The following GABRA5 variants were observed in gnomAD, a reference collection of about 807,000 sequenced individuals.
GABRA5 encodes the protein gamma-aminobutyric acid type A receptor subunit alpha5.
In GABRA5, 18 loss-of-function variants were observed where a neutral mutation model predicts 47.3. That is an observed-to-expected ratio of 0.38 (90% CI 0.26 to 0.56). The LOEUF (loss-of-function observed/expected upper bound fraction) is 0.56, where lower values mean the gene tolerates loss of function less well. Ranked by LOEUF, GABRA5 falls within the 20% of genes least tolerant of loss-of-function variation. The probability of loss-of-function intolerance (pLI) is 0.71; values close to 1 mark genes in which losing one functional copy is unlikely to be tolerated. For synonymous variants in GABRA5, 237 were observed against 229.3 expected, an observed-to-expected ratio of 1.03 and a Z score of -0.30; for missense variants, 365 against 599.3, an observed-to-expected ratio of 0.61 and a Z score of 4.08.
intron 7 of GABRA5, among the ~76,000 whole-genome samples, chr15:26,916,219 T>C (rs1893714218): frequency 6.6e-6 from 1 of 152,204 alleles, no homozygotes; most frequent in Non-Finnish European, 1.5e-5. Context: ...AATTAGAATG[T>C]TTAAAAATAT....
chr15:26,889,756 G>A (rs1216208806), intron 6 of GABRA5, among the ~76,000 whole-genome samples: 1 of 152,128 alleles, frequency 6.6e-6, no homozygotes, highest in Admixed American at 6.5e-5. Flanking sequence ...ATCAAAATAT[G>A]ATTTAAAAAT....
At chr15:26,928,338 C>T (rs1486412457) in intron 7 of GABRA5, among the ~76,000 whole-genome samples, 2 of 152,128 alleles carry the variant, frequency 1.3e-5, no homozygotes, top group African/African-American at 4.8e-5. Flanking sequence ...CTGAGTGCCT[C>T]GTGTGAACAT....
At chr15:26,934,265 AAAG>A (rs1894182088) in intron 7 of GABRA5, among the ~76,000 whole-genome samples, 1 of 151,168 alleles carries the variant, frequency 6.6e-6, no homozygotes, top group Non-Finnish European at 1.5e-5. Context: ...AAAAAAAAAA[AAAG>A]AAAGAAAGAA....
chr15:26,891,969 G>T (rs1354127798), intron 6 of GABRA5, among the ~76,000 whole-genome samples: 1 of 152,210 alleles, frequency 6.6e-6, no homozygotes, highest in Non-Finnish European at 1.5e-5. Flanking sequence ...CCCCAGAAAC[G>T]TTGGCCAAGC....
chr15:26,927,742 G>T (rs1186545346), intron 7 of GABRA5, among the ~76,000 whole-genome samples: 1 of 152,206 alleles, frequency 6.6e-6, no homozygotes, highest in Non-Finnish European at 1.5e-5. Flanking sequence ...AGCATGCAGA[G>T]GCTAAATGTG....
rs34689301 is a variant in GABRA5, at chr15:26,905,281, G to GTT, written c.498-9513_498-9512dup. On this transcript the variant is annotated intron_variant, in intron 6 of 10. Coordinates refer to ENST00000335625, the MANE Select transcript of GABRA5 (RefSeq NM_000810.4). ...TGGAAATAGAATTCTTGGTTGACAA[G>GTT]TTTTTTTTTTCTTTCAGCACATTTA... 1.4e-3 allele frequency among the ~76,000 whole-genome samples: 207 copies of GTT among 150,060 alleles called. 1 individual carries two copies. Among genetic ancestry groups the GTT allele is most frequent in the Admixed American group, 2.5e-3 (37 of 15,102 alleles).
At chr15:26,876,918 C>A (rs1021529478) in intron 3 of GABRA5, among the ~76,000 whole-genome samples, 2 of 152,068 alleles carry the variant, frequency 1.3e-5, no homozygotes, top group Non-Finnish European at 2.9e-5. Flanking sequence ...AGGGCTGAGT[C>A]TAGGAAGGAG....
chr15:26,912,552 A>G (rs1241989959), intron 6 of GABRA5, among the ~76,000 whole-genome samples: 1 of 152,236 alleles, frequency 6.6e-6, no homozygotes, highest in Non-Finnish European at 1.5e-5. Flanking sequence ...GAAGAGGTCA[A>G]TTGCAGGTTA....
chr15:26,926,554 T>C (rs1893966767), intron 7 of GABRA5, among the ~76,000 whole-genome samples: 1 of 152,102 alleles, frequency 6.6e-6, no homozygotes, highest in Non-Finnish European at 1.5e-5. Flanking sequence ...CATGGGGTGG[T>C]TGGGGACATC....
chr15:26,910,410 G>C (rs1396055868), intron 6 of GABRA5, among the ~76,000 whole-genome samples: 1 of 152,108 alleles, frequency 6.6e-6, no homozygotes, highest in Non-Finnish European at 1.5e-5. Context: ...GACCAGCCTA[G>C]TCAACATGGT....
intron 7 of GABRA5, among the ~76,000 whole-genome samples, chr15:26,931,941 T>A (rs796338627): frequency 1.8e-4 from 27 of 152,264 alleles, no homozygotes; most frequent in African/African-American, 6.3e-4. Flanking sequence ...AGTGGACTCC[T>A]CCCTTACACC....
chr15:26,869,417 T>A (rs932957011), intron 3 of GABRA5, 83 bp downstream of exon 3: 1 of 847,230 alleles, frequency 1.2e-6, no homozygotes, highest in Non-Finnish European at 2.1e-6. Flanking sequence ...GCACATCCAT[T>A]GAGCAAGTCC....
At chr15:26,938,433 T>C (rs999293529) in intron 8 of GABRA5, among the ~76,000 whole-genome samples, 1 of 152,194 alleles carries the variant, frequency 6.6e-6, no homozygotes, top group Non-Finnish European at 1.5e-5. Context: ...ATAACTGGGA[T>C]TTCTACTCCT....
chr15:26,882,753 G>C (rs9672405), intron 4 of GABRA5, among the ~76,000 whole-genome samples: 14,627 of 152,072 alleles, frequency 0.096, 1,254 homozygotes, highest in African/African-American at 0.24. Context: ...CCCTCATCCT[G>C]AATTGTCTGA....
chr15:26,893,203 T>TAGCA (rs1893060957), intron 6 of GABRA5, among the ~76,000 whole-genome samples: 1 of 138,762 alleles, frequency 7.2e-6, no homozygotes, highest in Non-Finnish European at 1.6e-5. Flanking sequence ...GTATAGTGTG[T>TAGCA]TGGGTGTGTA....
chr15:26,945,191 T>A (rs1420805458), intron 10 of GABRA5, among the ~76,000 whole-genome samples: 1 of 152,222 alleles, frequency 6.6e-6, no homozygotes, highest in East Asian at 1.9e-4. Context: ...CCACCCCTGC[T>A]GCCAGGAAGG....
intron 7 of GABRA5, among the ~76,000 whole-genome samples, chr15:26,923,856 G>T (rs1893895284): frequency 6.6e-6 from 1 of 151,466 alleles, no homozygotes; most frequent in South Asian, 2.1e-4. Context: ...ATCTTATTTT[G>T]TTCCTCTAAG....
chr15:26,939,987 C>G lies in GABRA5; in HGVS notation c.787C>G (p.Gln263Glu), dbSNP rs1284906111. The change falls in exon 9 of 11, where the codon CAG becomes GAG. Residue 263 changes from glutamine to glutamate, a missense_variant. Around this residue, in one of 3 missense-constraint regions of GABRA5, gnomAD observed 43 missense variants for 133.7 expected, o/e 0.32. Coordinates refer to ENST00000335625, the MANE Select transcript of GABRA5 (RefSeq NM_000810.4). Reference sequence around the variant, plus strand: ...AAGGAAGATTGGCTACTTTGTCATCCAGACCTACCTTCCCTGCATAATGAC... The same window carrying G: ...AAGGAAGATTGGCTACTTTGTCATCGAGACCTACCTTCCCTGCATAATGAC... ...LKRKIGYFVI[Q>E]TYLPCIMTVI... 1 of 1,613,842 alleles carries G rather than the reference C, an allele frequency of 6.2e-7. No homozygotes were observed. Among genetic ancestry groups the G allele is most frequent in the Non-Finnish European group, 8.5e-7 (1 of 1,179,882 alleles).
intron 6 of GABRA5, among the ~76,000 whole-genome samples, chr15:26,885,477 G>T (rs1892857069): frequency 6.6e-6 from 1 of 152,124 alleles, no homozygotes; most frequent in African/African-American, 2.4e-5. Flanking sequence ...TTGTCTCACA[G>T]TTCCAAATCT....
Sources: allele counts gnomAD v4.1 joint callset (sites outside exome capture counted in the v4.1 genomes callset), GRCh38; gene constraint gnomAD v4.1.1; regional missense constraint gnomAD v4.1.1; transcripts MANE v1.5; gene names NCBI Gene and HGNC (gene_info 2026-07-23, HGNC 2026-07-21).